Variants in UBAC2 observed in about 807,000 individuals in gnomAD.
The protein encoded by UBAC2 is UBA domain containing 2.
A neutral mutation model predicts 44.0 loss-of-function variants in UBAC2; 26 were observed. The observed-to-expected ratio is 0.59, with a 90% CI of 0.43 to 0.82. The LOEUF (loss-of-function observed/expected upper bound fraction) is 0.82, where lower values mean the gene tolerates loss of function less well. UBAC2 is among the 40% of genes least tolerant of loss of function. UBAC2 has a pLI of 0.00. For missense variants in UBAC2, 329 were observed against 419.4 expected, an observed-to-expected ratio of 0.78 and a Z score of 1.88; for synonymous variants, 155 against 154.3, an observed-to-expected ratio of 1.00 and a Z score of -0.04.
At chr13:99,375,431 C>T (rs1458045179) in intron 8 of UBAC2, among the ~76,000 whole-genome samples, 16 of 152,192 alleles carry the variant, frequency 1.1e-4, no homozygotes, top group Non-Finnish European at 1.8e-4. Context: ...GTTGCTATGA[C>T]AGCAGTGGGC....
intron 6 of UBAC2, among the ~76,000 whole-genome samples, chr13:99,321,415 T>C (rs2074282228): frequency 1.3e-5 from 2 of 152,172 alleles, no homozygotes; most frequent in Non-Finnish European, 2.9e-5. Context: ...TTCAAGTGAT[T>C]CTCGTGCCTC....
intron 4 of UBAC2, among the ~76,000 whole-genome samples, chr13:99,280,511 C>T (rs1594082931): frequency 6.6e-6 from 1 of 152,200 alleles, no homozygotes; most frequent in Non-Finnish European, 1.5e-5. Context: ...TTAACCTCTC[C>T]TTCCTTCTTG....
At chr13:99,357,251 A>G (rs1395729703) in intron 7 of UBAC2, among the ~76,000 whole-genome samples, 1 of 152,200 alleles carries the variant, frequency 6.6e-6, no homozygotes, top group Non-Finnish European at 1.5e-5. Flanking sequence ...GTAGTAGGCG[A>G]TCACATCTAG....
chr13:99,208,264 T>C (rs2042898231), intron 1 of UBAC2, among the ~76,000 whole-genome samples: 1 of 152,206 alleles, frequency 6.6e-6, no homozygotes, highest in South Asian at 2.1e-4. Flanking sequence ...CCCAAAGTCT[T>C]GGGATTACAG....
intron 4 of UBAC2, among the ~76,000 whole-genome samples, chr13:99,271,804 C>T (rs2043819186): frequency 6.6e-6 from 1 of 152,188 alleles, no homozygotes; most frequent in Middle Eastern, 3.4e-3. Flanking sequence ...ACAAAAGTAT[C>T]TCTGTTGAGG....
intron 7 of UBAC2, among the ~76,000 whole-genome samples, chr13:99,358,237 C>T (rs1594167292): frequency 6.6e-6 from 1 of 152,326 alleles, no homozygotes; most frequent in South Asian, 2.1e-4. Context: ...CTGAAAGCAA[C>T]AGGGATGCAT....
chr13:99,296,518 CATT>C (rs2044176322), intron 4 of UBAC2, among the ~76,000 whole-genome samples: 1 of 152,134 alleles, frequency 6.6e-6, no homozygotes, highest in African/African-American at 2.4e-5. Flanking sequence ...TTTTTTGAAT[CATT>C]GTCTGGTTAA....
At chr13:99,215,709 G>T (rs1173071227) in intron 1 of UBAC2, 2 of 1,498,594 alleles carry the variant, frequency 1.3e-6, no homozygotes, top group African/African-American at 1.4e-5. Context: ...GCGGGAAACC[G>T]CCTTTGTCTT....
At chr13:99,327,514 A>G (rs1031626137) in intron 6 of UBAC2, among the ~76,000 whole-genome samples, 1 of 151,320 alleles carries the variant, frequency 6.6e-6, no homozygotes, top group Non-Finnish European at 1.5e-5. Flanking sequence ...TTAAGTGTCC[A>G]GTGTTTGTCT....
At chr13:99,266,132 AT>A (rs916783409) in intron 4 of UBAC2, among the ~76,000 whole-genome samples, 145 of 151,944 alleles carry the variant, frequency 9.5e-4, no homozygotes, top group Non-Finnish European at 1.5e-3. Flanking sequence ...AATTGAAATA[AT>A]TTTTTTTAAA....
At chr13:99,331,678 C>T (rs769351228) in intron 6 of UBAC2, among the ~76,000 whole-genome samples, 40 of 152,196 alleles carry the variant, frequency 2.6e-4, no homozygotes, top group Non-Finnish European at 5.6e-4. Context: ...AAAGAATAAT[C>T]TTTTCAAAAT....
At chr13:99,369,096 G>A (rs1247418950) in intron 8 of UBAC2, among the ~76,000 whole-genome samples, 1 of 151,974 alleles carries the variant, frequency 6.6e-6, no homozygotes, top group African/African-American at 2.4e-5. Flanking sequence ...TACACTGGAG[G>A]GAAGGAAATG....
chr13:99,235,993 G>A (rs1358595304), intron 1 of UBAC2, among the ~76,000 whole-genome samples: 2 of 152,006 alleles, frequency 1.3e-5, no homozygotes, highest in Non-Finnish European at 2.9e-5. Context: ...CTGGTAAAAC[G>A]GGTTAACCAT....
At chr13:99,237,267 T>TACAC (rs560517982) in intron 1 of UBAC2, among the ~76,000 whole-genome samples, 1,758 of 118,702 alleles carry the variant, frequency 0.015, 19 homozygotes, top group African/African-American at 0.032. Flanking sequence ...TATATATATA[T>TACAC]ATATACACAC....
intron 1 of UBAC2, among the ~76,000 whole-genome samples, chr13:99,219,045 C>G (rs2043027244): frequency 6.6e-6 from 1 of 152,106 alleles, no homozygotes; most frequent in African/African-American, 2.4e-5. Context: ...ACCAAGTCAC[C>G]CCATTCTTGT....
chr13:99,310,169 G>T (rs2044393180), intron 4 of UBAC2, among the ~76,000 whole-genome samples: 1 of 152,140 alleles, frequency 6.6e-6, no homozygotes, highest in African/African-American at 2.4e-5. Flanking sequence ...TCTAAAAAAA[G>T]TTTAAAAATT....
chr13:99,352,896 CG>C (rs988847051), intron 7 of UBAC2, among the ~76,000 whole-genome samples: 3 of 152,142 alleles, frequency 2.0e-5, no homozygotes, highest in African/African-American at 7.2e-5. Context: ...CCCCTGTGTC[CG>C]GGGTAGGGGC....
intron 7 of UBAC2, among the ~76,000 whole-genome samples, chr13:99,341,977 C>G (rs2044897402): frequency 6.6e-6 from 1 of 152,194 alleles, no homozygotes. Flanking sequence ...GTCTGAGATA[C>G]CTTTGGAATC....
chr13:99,237,237 TAAAG>T (rs2043244459), intron 1 of UBAC2, among the ~76,000 whole-genome samples: 1 of 145,880 alleles, frequency 6.9e-6, no homozygotes, highest in African/African-American at 2.5e-5. Flanking sequence ...GGATGATAGA[TAAAG>T]AAAATTTTAT....
Sources: gnomAD v4.1 joint callset for allele counts (sites outside exome capture counted in the v4.1 genomes callset) on GRCh38, gnomAD v4.1.1 for gene constraint, MANE v1.5 for transcripts, NCBI Gene and HGNC (gene_info 2026-07-23, HGNC 2026-07-21) for gene names.